ANK2: variants seen among roughly 807,000 people sequenced by gnomAD.
ANK2 encodes ankyrin 2.
ANK2 carries 83 observed loss-of-function variants against 360.5 expected under a neutral mutation model. That is an observed-to-expected ratio of 0.23 (90% CI 0.19 to 0.28). ANK2 has a LOEUF of 0.28. Ranked by LOEUF, ANK2 falls within the 10% of genes least tolerant of loss-of-function variation. The probability of loss-of-function intolerance (pLI) is 1.00; values close to 1 mark genes in which losing one functional copy is unlikely to be tolerated. For missense variants in ANK2, 4,201 were observed against 4,795.7 expected, an observed-to-expected ratio of 0.88 and a Z score of 3.66; for synonymous variants, 1,740 against 1,759.5, an observed-to-expected ratio of 0.99 and a Z score of 0.28.
At chr4:112,964,947 AC>A (rs1435131969) in intron 2 of ANK2, among the ~76,000 whole-genome samples, 1 of 152,148 alleles carries the variant, frequency 6.6e-6, no homozygotes, top group Non-Finnish European at 1.5e-5. Flanking sequence ...TGTGAACAGT[AC>A]CGTAACAAAC....
At position 113,373,558 on chromosome 4, in the gene ANK2, T is replaced by A. The variant is rs752567983; in HGVS notation, c.11859+109T>A. 8.2e-6 allele frequency: 10 copies of A among 1,221,102 alleles called. No individual in the cohort carries two copies. In the African/African-American group the frequency reaches 1.5e-4, roughly 18 times the overall value. 75.6% of individuals were successfully genotyped at this position (1,221,102 alleles called of 1,614,324 possible). On this transcript the variant is annotated intron_variant, in intron 45 of 45. Coordinates refer to ENST00000357077, the MANE Select transcript of ANK2 (RefSeq NM_001148.6). ...ATATTTTCCTCACTTCTCCCTTTCATGTGGCAGTTTGCTCTTAGTTGCACA... is the reference window on the plus strand; with the variant it reads ...ATATTTTCCTCACTTCTCCCTTTCAAGTGGCAGTTTGCTCTTAGTTGCACA...
chr4:112,899,324 A>T (rs2082619944), intron 1 of ANK2, among the ~76,000 whole-genome samples: 1 of 152,178 alleles, frequency 6.6e-6, no homozygotes, highest in South Asian at 2.1e-4. Flanking sequence ...AAATTTGTGT[A>T]TTTACATATT....
At chr4:112,970,385 C>T (rs756680371) in intron 2 of ANK2, among the ~76,000 whole-genome samples, 1 of 151,926 alleles carries the variant, frequency 6.6e-6, no homozygotes, top group Non-Finnish European at 1.5e-5. Context: ...GATGTAGTCT[C>T]ATTCCATCAC....
the ANK2 span, among the ~76,000 whole-genome samples, chr4:112,767,566 C>CAATA: frequency 0.23 from 33,110 of 144,638 alleles, 3,927 homozygotes; most frequent in South Asian, 0.27. Context: ...GACCCTGTCT[C>CAATA]AATAAATAAA....
chr4:113,154,591 T>C (rs1187134369), intron 1 of ANK2, among the ~76,000 whole-genome samples: 1 of 152,218 alleles, frequency 6.6e-6, no homozygotes, highest in African/African-American at 2.4e-5. Context: ...ATGTGAAGTG[T>C]ATCAAATATT....
chr4:112,768,440 G>A, the ANK2 span, among the ~76,000 whole-genome samples: 11 of 151,880 alleles, frequency 7.2e-5, no homozygotes, highest in East Asian at 1.4e-3. Flanking sequence ...TTTTTGTAGC[G>A]ATGGAGTTTC....
In ANK2 at chr4:113,160,255, G is replaced by A. The variant is rs147941643; in HGVS notation, c.85-14161G>A. 5.5e-3 allele frequency: 1,779 copies of A among 321,754 alleles called. 47 individuals are homozygous for A. The highest frequency in any genetic ancestry group is 0.022 in the East Asian group (191 of 8,694). 19.9% of individuals were successfully genotyped at this position (321,754 alleles called of 1,614,324 possible). A position where few individuals can be genotyped will look rare whatever the true frequency, so the allele number is the denominator to read the frequency against. On this transcript the variant is annotated intron_variant, in intron 1 of 45. Transcript: ENST00000357077. ...TTAAAAAAATTAATAAATAGAGACA[G>A]GGTCTCACTATGTTGTCAAGGCTGG...
intron 1 of ANK2, among the ~76,000 whole-genome samples, chr4:112,865,451 G>C (rs1317812242): frequency 6.6e-6 from 1 of 152,074 alleles, no homozygotes; most frequent in African/African-American, 2.4e-5. Flanking sequence ...CTTTTAAAAA[G>C]ATTTCTGAGT....
In ANK2 at chr4:113,085,589, G is replaced by T. The variant is rs183540359; in HGVS notation, c.84+35777G>T. On this transcript the variant is annotated intron_variant, in intron 1 of 45. Transcript: ENST00000357077. Reference sequence around the variant, plus strand: ...CCCAAAGTGCTGGGATTACAGACGTGAGCCACCGCGCCCGGCCTTGGAATT... The same window carrying T: ...CCCAAAGTGCTGGGATTACAGACGTTAGCCACCGCGCCCGGCCTTGGAATT... 8.7e-3 allele frequency among the ~76,000 whole-genome samples: 1,321 copies of T among 152,230 alleles called. 12 individuals carry two copies. The highest frequency in any genetic ancestry group is 0.018 in the South Asian group (88 of 4,826).
the ANK2 span, among the ~76,000 whole-genome samples, chr4:112,730,870 G>A: frequency 6.6e-6 from 1 of 151,468 alleles, no homozygotes; most frequent in African/African-American, 2.4e-5. Context: ...AGCAGGCGCG[G>A]TGGCTACGCC....
chr4:113,162,230 A>G (rs925071111), intron 1 of ANK2, among the ~76,000 whole-genome samples: 1 of 151,360 alleles, frequency 6.6e-6, no homozygotes, highest in Non-Finnish European at 1.5e-5. Flanking sequence ...TTTTCTATAT[A>G]TGACTAATAC....
At chr4:113,209,301 C>T (rs2098993102) in intron 4 of ANK2, among the ~76,000 whole-genome samples, 1 of 151,760 alleles carries the variant, frequency 6.6e-6, no homozygotes, top group Admixed American at 6.6e-5. Flanking sequence ...TCTTTCAGAC[C>T]TTTGAAGATG....
intron 2 of ANK2, among the ~76,000 whole-genome samples, chr4:113,192,062 T>C (rs2098673838): frequency 6.6e-6 from 1 of 152,186 alleles, no homozygotes; most frequent in African/African-American, 2.4e-5. Context: ...AACCATTTCT[T>C]TTCTTTTTTA....
chr4:112,892,348 C>A (rs1458913298), intron 1 of ANK2, among the ~76,000 whole-genome samples: 1 of 152,190 alleles, frequency 6.6e-6, no homozygotes, highest in Non-Finnish European at 1.5e-5. Context: ...GTCCCCTGGG[C>A]AAGCAGCCCC....
chr4:113,143,255 T>G (rs1218153425), intron 1 of ANK2, among the ~76,000 whole-genome samples: 1 of 35,866 alleles, frequency 2.8e-5, no homozygotes, highest in African/African-American at 1.3e-4. Context: ...ACAGGTGTAA[T>G]GAAGACTTGC....
At chr4:113,110,947 A>G (rs2094224649) in intron 1 of ANK2, among the ~76,000 whole-genome samples, 1 of 152,136 alleles carries the variant, frequency 6.6e-6, no homozygotes, top group Non-Finnish European at 1.5e-5. Flanking sequence ...CCATTTTTCT[A>G]TTGTTAATTT....
At position 113,355,869 on chromosome 4, in the gene ANK2, T is replaced by C. The variant is rs201688836; in HGVS notation, c.7251T>C (p.Asp2417=). The change falls in exon 38 of 46, where the codon GAT becomes GAC. Residue 2417 remains aspartate, a synonymous_variant. Transcript: ENST00000357077. ...TAGAACTTGCACTCCCTAGCCGAGATAGCGAAGTCCTCAGCGCTGTGGCTG... is the reference window on the plus strand; with the variant it reads ...TAGAACTTGCACTCCCTAGCCGAGACAGCGAAGTCCTCAGCGCTGTGGCTG... ...QGLELALPSR[D]SEVLSAVADD... The C allele has an allele frequency of 1.7e-4, 275 of 1,613,908 alleles. No homozygotes were observed. Among genetic ancestry groups the C allele is most frequent in the Non-Finnish European group, 2.0e-4 (241 of 1,179,958 alleles).
At chr4:113,007,697 G>A (rs887367176) in intron 2 of ANK2, among the ~76,000 whole-genome samples, 3 of 152,148 alleles carry the variant, frequency 2.0e-5, no homozygotes, top group African/African-American at 7.2e-5. Context: ...CTACAATTAA[G>A]ACTTAAAAAC....
rs2096801161 is a variant in ANK2, at chr4:113,373,177, T to C, written c.11694+4T>C. 2 of 1,613,660 alleles carry C rather than the reference T, an allele frequency of 1.2e-6. No individual in the cohort carries two copies. Among genetic ancestry groups the C allele is most frequent in the African/African-American group, 1.3e-5 (1 of 74,920 alleles). On this transcript the variant is annotated splice_donor_region_variant and intron_variant, in intron 44 of 45. Transcript: ENST00000357077. Reference sequence around the variant, plus strand: ...TGGACACACCGTGGTAAAGAAGGTATTGTCTAGTATATCCTAACAGGGTTG... The same window carrying C: ...TGGACACACCGTGGTAAAGAAGGTACTGTCTAGTATATCCTAACAGGGTTG...
Sources: gnomAD v4.1 joint callset for allele counts (sites outside exome capture counted in the v4.1 genomes callset) on GRCh38, gnomAD v4.1.1 for gene constraint, MANE v1.5 for transcripts, NCBI Gene and HGNC (gene_info 2026-07-23, HGNC 2026-07-21) for gene names.